Variants in MCOLN2 observed in about 807,000 individuals in gnomAD.
MCOLN2 encodes mucolipin TRP cation channel 2.
A neutral mutation model predicts 67.5 loss-of-function variants in MCOLN2; 57 were observed. The observed-to-expected ratio is 0.84, with a 90% CI of 0.68 to 1.05. The LOEUF (loss-of-function observed/expected upper bound fraction) is 1.05. Among genes scored for constraint, MCOLN2 ranks in the 50% least tolerant of loss-of-function variants. The pLI, the probability that MCOLN2 is intolerant of heterozygous loss-of-function variation, is 0.00. For missense variants in MCOLN2, 620 were observed against 678.8 expected, an observed-to-expected ratio of 0.91 and a Z score of 0.96; for synonymous variants, 246 against 233.3, an observed-to-expected ratio of 1.05 and a Z score of -0.50.
Position 84,931,421 on chromosome 1 carries a change from T to G in MCOLN2, c.1483A>C (p.Ile495Leu). ...LYLYSFISLF[I>L]YMILSLFIAL... ...ATAAAAAGACTGAGAATCATATATA[T>G]AAAAAGGCTGATGAAGGAATATAAA... The change falls in exon 12 of 14, where the codon ATA becomes CTA. Residue 495 changes from isoleucine to leucine, a missense_variant. By Grantham distance (5) the Ile-to-Leu change is conservative. Transcript: ENST00000370608. 6.2e-7 allele frequency: 1 copy of G among 1,601,652 alleles called. No homozygotes were observed. Among genetic ancestry groups the G allele is most frequent in the Non-Finnish European group, 8.6e-7 (1 of 1,168,820 alleles).
In MCOLN2 at chr1:84,929,555, G is replaced by T; in HGVS notation, c.1664+3C>A. On this transcript the variant is annotated splice_donor_region_variant and intron_variant, in intron 13 of 13. Transcript: ENST00000370608. ...GAGCATGGAGAATAAACATGATACT[G>T]ACCTCCTCCGACAGCAGATGCAGGA... The T allele has an allele frequency of 6.2e-7, 1 of 1,611,862 alleles. No individual in the cohort carries two copies. The highest frequency in any genetic ancestry group is 1.1e-5 in the South Asian group (1 of 90,814).
chr1:84,935,367 A>C (rs1341283395), intron 11 of MCOLN2, among the ~76,000 whole-genome samples: 1 of 152,174 alleles, frequency 6.6e-6, no homozygotes, highest in East Asian at 1.9e-4. Flanking sequence ...CCCTACAGAC[A>C]TCCCTTATCC....
At chr1:84,958,464 G>A in intron 3 of MCOLN2, 65 bp downstream of exon 3, 2 of 1,347,148 alleles carry the variant, frequency 1.5e-6, no homozygotes, top group Admixed American at 2.7e-5. Context: ...TTTGTTTGTT[G>A]GCTAAGACAA....
At position 84,953,569 on chromosome 1, in the gene MCOLN2, T is replaced by A. The variant is rs1963443; in HGVS notation, c.566-1039A>T. Among the ~76,000 whole-genome samples the A allele has an allele frequency of 4.0e-3, 508 of 127,764 alleles. 2 individuals are homozygous for A. Among genetic ancestry groups the A allele is most frequent in the Middle Eastern group, 0.019 (5 of 260 alleles). The allele number at this position is 127,764 out of a possible 152,430, so 83.8% of individuals were successfully genotyped here. A position where few individuals can be genotyped will look rare whatever the true frequency, so the allele number is the denominator to read the frequency against. On this transcript the variant is annotated intron_variant, in intron 4 of 13. Coordinates refer to ENST00000370608, the MANE Select transcript of MCOLN2 (RefSeq NM_153259.4). ...CTATCTCAAAAAAAAAAAAAAAAAATGTTAGTATTGGGGAAATCTGGATGA... is the reference window on the plus strand; with the variant it reads ...CTATCTCAAAAAAAAAAAAAAAAAAAGTTAGTATTGGGGAAATCTGGATGA...
At chr1:84,933,054 G>A (rs1557629317) in intron 11 of MCOLN2, among the ~76,000 whole-genome samples, 5 of 151,894 alleles carry the variant, frequency 3.3e-5, no homozygotes, top group African/African-American at 1.2e-4. Flanking sequence ...CCAACACCAG[G>A]CCCATCCCTA....
chr1:84,973,168 C>T (rs2102869277), intron 1 of MCOLN2, among the ~76,000 whole-genome samples: 1 of 152,278 alleles, frequency 6.6e-6, no homozygotes, highest in African/African-American at 2.4e-5. Flanking sequence ...ACCTAAGGTG[C>T]CCTCACTCGG....
At chr1:84,938,134 C>T in intron 9 of MCOLN2, 52 bp from the exon 10 acceptor site, 2 of 1,329,932 alleles carry the variant, frequency 1.5e-6, no homozygotes, top group Admixed American at 1.9e-5. Context: ...TTTGACTCCA[C>T]TTAGCTTATT....
chr1:84,989,601 A>G (rs977077029), intron 1 of MCOLN2, among the ~76,000 whole-genome samples: 5 of 152,174 alleles, frequency 3.3e-5, no homozygotes, highest in Non-Finnish European at 5.9e-5. Flanking sequence ...TGATAGTAGT[A>G]TAATATATAG....
intron 8 of MCOLN2, 41 bp from the exon 9 acceptor site, chr1:84,939,743 C>T: frequency 1.2e-6 from 2 of 1,607,122 alleles, no homozygotes. Context: ...ACAAACCACA[C>T]TGCCCTCTGG....
In MCOLN2 at chr1:84,938,089, A is replaced by G. The variant is rs1473633605; in HGVS notation, c.1111-7T>C. ...GATCATAGTTTGTGAGATTCTAAGG[A>G]ATGAAAAAAAAGAAAGAGAGAAATG... On this transcript the variant is annotated splice_region_variant and splice_polypyrimidine_tract_variant and intron_variant, in intron 9 of 13. Coordinates refer to ENST00000370608, the MANE Select transcript of MCOLN2 (RefSeq NM_153259.4). 1.3e-6 allele frequency: 2 copies of G among 1,593,188 alleles called. No individual in the cohort carries two copies. Among genetic ancestry groups the G allele is most frequent in the Non-Finnish European group, 1.7e-6 (2 of 1,166,102 alleles).
At chr1:84,973,167 G>A (rs1201356052) in intron 1 of MCOLN2, among the ~76,000 whole-genome samples, 2 of 152,164 alleles carry the variant, frequency 1.3e-5, no homozygotes, top group Non-Finnish European at 2.9e-5. Context: ...CACCTAAGGT[G>A]CCCTCACTCG....
At position 84,984,432 on chromosome 1, in the gene MCOLN2, G is replaced by A. The variant is rs139632869; in HGVS notation, c.77+12364C>T. On this transcript the variant is annotated intron_variant, in intron 1 of 13. Transcript: ENST00000370608. ...TCCTTTTGCTCAAATCTACCTGGTT[G>A]CTTTCTAATCACTTTTCAAGGCCAT... is the stretch of plus-strand genomic sequence containing the variant. Among the ~76,000 whole-genome samples the A allele has an allele frequency of 1.1e-3, 161 of 152,184 alleles. 1 individual carries two copies. Among genetic ancestry groups the A allele is most frequent in the African/African-American group, 3.8e-3 (156 of 41,532 alleles).
intron 12 of MCOLN2, 81 bp from the exon 13 acceptor site, chr1:84,929,760 T>C: frequency 7.0e-7 from 1 of 1,436,750 alleles, no homozygotes; most frequent in Non-Finnish European, 9.5e-7. Context: ...AGCCCACCTT[T>C]GCTAAAATAA....
rs1647528642 is a variant in MCOLN2 at position 84,937,972 on chromosome 1, C to G, written c.1212+9G>C. On this transcript the variant is annotated intron_variant, in intron 10 of 13. Coordinates refer to ENST00000370608, the MANE Select transcript of MCOLN2 (RefSeq NM_153259.4). Reference sequence around the variant, plus strand: ...ACTGCAGTGGCACTACCCGGTGCCGCATCCTTACATTATATGCCTGGAAAT... The same window carrying G: ...ACTGCAGTGGCACTACCCGGTGCCGGATCCTTACATTATATGCCTGGAAAT... 6.2e-7 allele frequency: 1 copy of G among 1,613,162 alleles called. No individual in the cohort carries two copies. Among genetic ancestry groups the G allele is most frequent in the Non-Finnish European group, 8.5e-7 (1 of 1,179,236 alleles).
rs574171068 is a variant in MCOLN2 at position 84,938,333 on chromosome 1, T to C, written c.1111-251A>G. On this transcript the variant is annotated intron_variant, in intron 9 of 13. Coordinates refer to ENST00000370608, the MANE Select transcript of MCOLN2 (RefSeq NM_153259.4). ...AAATAATACTCTGAAATAGAAATTG[T>C]ATTTAGGTTGAACTAAATTTTTTTC... Among the ~76,000 whole-genome samples, 30 of 152,366 alleles carry C rather than the reference T, an allele frequency of 2.0e-4. No individual in the cohort carries two copies. In the South Asian group the frequency reaches 6.0e-3, roughly 31 times the overall value.
intron 1 of MCOLN2, among the ~76,000 whole-genome samples, chr1:84,994,407 T>C (rs558498419): frequency 1.3e-5 from 2 of 152,266 alleles, no homozygotes; most frequent in African/African-American, 4.8e-5. Context: ...AAGGCTGTTT[T>C]GTCTACATTG....
At chr1:84,930,232 C>T (rs1661343914) in intron 12 of MCOLN2, among the ~76,000 whole-genome samples, 2 of 151,630 alleles carry the variant, frequency 1.3e-5, no homozygotes, top group African/African-American at 4.9e-5. Context: ...CACTGTCCTC[C>T]AGCCTGGGAA....
At chr1:84,974,111 G>A (rs563498455) in intron 1 of MCOLN2, among the ~76,000 whole-genome samples, 1 of 152,316 alleles carries the variant, frequency 6.6e-6, no homozygotes, top group South Asian at 2.1e-4. Context: ...GCCCTAGCCA[G>A]AGGGGAATCA....
At chr1:84,966,132 A>C (rs1200587930) in intron 1 of MCOLN2, among the ~76,000 whole-genome samples, 2 of 151,968 alleles carry the variant, frequency 1.3e-5, no homozygotes, top group East Asian at 3.9e-4. Flanking sequence ...GGCACCTGTA[A>C]TCTCAGTTTC....
Sources: gnomAD v4.1 joint callset for allele counts (sites outside exome capture counted in the v4.1 genomes callset) on GRCh38, gnomAD v4.1.1 for gene constraint, MANE v1.5 for transcripts, NCBI Gene and HGNC (gene_info 2026-07-23, HGNC 2026-07-21) for gene names.